The following TMED3 variants were observed in gnomAD, a reference collection of about 807,000 sequenced individuals.
TMED3 encodes the protein transmembrane p24 trafficking protein 3, also known as transmembrane emp24 domain-containing protein 3.
A neutral mutation model predicts 15.0 loss-of-function variants in TMED3; 9 were observed. The observed-to-expected ratio is 0.60, with a 90% confidence interval of 0.36 to 1.04. The LOEUF (loss-of-function observed/expected upper bound fraction) is 1.04, where lower values mean the gene tolerates loss of function less well. Among genes scored for constraint, TMED3 ranks in the 50% least tolerant of loss-of-function variants. TMED3 has a pLI of 0.01. For missense variants in TMED3, 267 were observed against 278.9 expected (o/e 0.96, Z 0.30); for synonymous variants, 117 against 121.4 (o/e 0.96, Z 0.24).
intron 2 of TMED3, among the ~76,000 whole-genome samples, chr15:79,351,433 T>C (rs574972643): frequency 6.6e-6 from 1 of 152,220 alleles, no homozygotes; most frequent in African/African-American, 2.4e-5. Flanking sequence ...GTTGAAAAGA[T>C]GAAAAAACCT....
At chr15:79,338,960 T>C (rs1429615460) in intron 2 of TMED3, among the ~76,000 whole-genome samples, 1 of 152,126 alleles carries the variant, frequency 6.6e-6, no homozygotes, top group Non-Finnish European at 1.5e-5. Context: ...CCTCCACCTC[T>C]TGTAGAGGGC....
intron 2 of TMED3, 105 bp from the exon 3 acceptor site, chr15:79,321,873 A>G (rs2058768363): frequency 1.3e-5 from 17 of 1,344,140 alleles, no homozygotes; most frequent in Non-Finnish European, 1.8e-5. Context: ...CTTAGTTAGC[A>G]TTCAGTGGAT....
At chr15:79,351,890 A>G (rs2141234207) in intron 2 of TMED3, among the ~76,000 whole-genome samples, 1 of 152,302 alleles carries the variant, frequency 6.6e-6, no homozygotes, top group South Asian at 2.1e-4. Context: ...ACTCAGCCAT[A>G]AAAGGAACAA....
intron 2 of TMED3, among the ~76,000 whole-genome samples, chr15:79,337,841 A>G (rs994755605): frequency 1.3e-5 from 2 of 152,244 alleles, no homozygotes; most frequent in South Asian, 2.1e-4. Flanking sequence ...GAAATGTACA[A>G]TGATATTCAC....
chr15:79,353,970 G>C (rs1439869070), intron 2 of TMED3, among the ~76,000 whole-genome samples: 2 of 152,142 alleles, frequency 1.3e-5, no homozygotes, highest in Non-Finnish European at 1.5e-5. Context: ...TTGGAAGCTT[G>C]TGTTTGGGAT....
exon 3 of TMED3, chr15:79,413,380 T>C (rs1003266185): frequency 1.3e-5 from 2 of 152,064 alleles, no homozygotes; most frequent in East Asian, 1.9e-4. Flanking sequence ...CATCAAGGAG[T>C]GTGCCACATG....
At chr15:79,404,459 C>G (rs1893874590) in intron 2 of TMED3, among the ~76,000 whole-genome samples, 1 of 152,218 alleles carries the variant, frequency 6.6e-6, no homozygotes. Context: ...GGGTCCATTG[C>G]CCAAGCACCG....
intron 2 of TMED3, among the ~76,000 whole-genome samples, chr15:79,371,685 T>A (rs1248889478): frequency 2.0e-5 from 3 of 152,174 alleles, no homozygotes; most frequent in Non-Finnish European, 4.4e-5. Context: ...GAGGGGGGTC[T>A]TAGGACTAGA....
chr15:79,324,613 G>A (rs910005057), downstream of TMED3, among the ~76,000 whole-genome samples: 1 of 152,152 alleles, frequency 6.6e-6, no homozygotes, highest in East Asian at 1.9e-4. Flanking sequence ...TATCTCCCTT[G>A]TAACTATTTA....
chr15:79,318,135 G>C (rs2058749064), intron 2 of TMED3, among the ~76,000 whole-genome samples: 1 of 152,088 alleles, frequency 6.6e-6, no homozygotes, highest in African/African-American at 2.4e-5. Context: ...GTGACGTCCT[G>C]CCCATCCATC....
At position 79,330,724 on chromosome 15, in the gene TMED3, C is replaced by T. The variant is rs569638141; in HGVS notation, c.417+16719C>T. ...ACCATAAAAGACCCCAAATAGCCAA[C>T]ACAATCCTGAGCAAAAGGAACAAAG... is the stretch of plus-strand genomic sequence containing the variant. On this transcript the variant is annotated intron_variant, in intron 2 of 2. Transcript: ENST00000424155. Among the ~76,000 whole-genome samples the T allele has an allele frequency of 5.9e-5, 9 of 152,228 alleles. No homozygotes were observed. In the South Asian group the frequency reaches 1.7e-3, roughly 28 times the overall value.
In TMED3 at chr15:79,396,774, A is replaced by C. The variant is rs1459826235; in HGVS notation, c.418-14626A>C. On this transcript the variant is annotated intron_variant, in intron 2 of 2. Coordinates refer to the TMED3 transcript ENST00000424155. ...GACTTCAGGCAACTGAAGTAAATGC[A>C]AGACACATTCTGAGTTTCAAGGACT... is the stretch of plus-strand genomic sequence containing the variant. Among the ~76,000 whole-genome samples the C allele has an allele frequency of 3.9e-5, 6 of 152,248 alleles. No individual in the cohort carries two copies. The East Asian group carries it at 1.2e-3, about 29-fold the overall frequency.
At chr15:79,363,484 A>G (rs1173615967) in intron 2 of TMED3, among the ~76,000 whole-genome samples, 1 of 141,870 alleles carries the variant, frequency 7.0e-6, no homozygotes, top group Non-Finnish European at 1.5e-5. Context: ...ACTCCAAGTG[A>G]CAAAGAACTA....
chr15:79,353,184 A>T (rs2058901151), intron 2 of TMED3, among the ~76,000 whole-genome samples: 1 of 65,976 alleles, frequency 1.5e-5, no homozygotes, highest in Non-Finnish European at 2.6e-5. Flanking sequence ...TAATATATAA[A>T]ATATATATAA....
intron 2 of TMED3, among the ~76,000 whole-genome samples, chr15:79,404,953 T>A (rs1475708397): frequency 1.3e-5 from 2 of 152,252 alleles, no homozygotes; most frequent in Non-Finnish European, 2.9e-5. Flanking sequence ...TATTCTGCCA[T>A]AGGCCACGGG....
Position 79,411,568 on chromosome 15 carries a change from G to A in TMED3, c.*64G>A. 5 of 696,084 alleles carry A rather than the reference G, an allele frequency of 7.2e-6. No individual in the cohort carries two copies. The South Asian group carries it at 7.5e-5, about 10-fold the overall frequency. 43.1% of individuals were successfully genotyped at this position (696,084 alleles called of 1,614,324 possible). A position where few individuals can be genotyped will look rare whatever the true frequency, so the allele number is the denominator to read the frequency against. On this transcript the variant is annotated 3_prime_UTR_variant, in exon 3 of 3. Coordinates refer to the TMED3 transcript ENST00000424155. ...GAAGACACAGAAGCTACGCTGAAGT[G>A]GGAGGAAGCTGCTGCACAGAGCTAC... is the stretch of plus-strand genomic sequence containing the variant.
chr15:79,342,352 A>G (rs375334228), intron 2 of TMED3, among the ~76,000 whole-genome samples: 1 of 152,186 alleles, frequency 6.6e-6, no homozygotes, highest in East Asian at 1.9e-4. Flanking sequence ...AAGGGTTGGC[A>G]AAGATATACT....
chr15:79,341,295 A>G (rs547718108), intron 2 of TMED3, among the ~76,000 whole-genome samples: 5 of 151,010 alleles, frequency 3.3e-5, no homozygotes, highest in East Asian at 3.9e-4. Flanking sequence ...ACAGAGTTTC[A>G]TGTGGTCTTG....
At chr15:79,383,307 C>T in intron 2 of TMED3, 1 of 411,500 alleles carries the variant, frequency 2.4e-6, no homozygotes, top group Non-Finnish European at 4.4e-6. Flanking sequence ...CTATTTGATC[C>T]TTTGTGCCCT....
Sources: gnomAD v4.1 joint callset for allele counts (sites outside exome capture counted in the v4.1 genomes callset) on GRCh38, gnomAD v4.1.1 for gene constraint, MANE v1.5 for transcripts, NCBI Gene and HGNC (gene_info 2026-07-23, HGNC 2026-07-21) for gene names.